The following IDE variants were observed in gnomAD, a reference collection of about 807,000 sequenced individuals.
IDE encodes the protein insulin degrading enzyme.
In IDE, 58 loss-of-function variants were observed where a neutral mutation model predicts 133.2. The ratio of observed to expected loss-of-function variants is 0.44; its 90% CI spans 0.35 to 0.54. The LOEUF (loss-of-function observed/expected upper bound fraction) is 0.54, where lower values mean the gene tolerates loss of function less well. Among genes scored for constraint, IDE ranks in the 20% least tolerant of loss-of-function variants. The pLI, the probability that IDE is intolerant of heterozygous loss-of-function variation, is 0.00. For missense variants in IDE, 981 were observed against 1,234.0 expected (o/e 0.79, Z 3.07); for synonymous variants, 396 against 421.3 (o/e 0.94, Z 0.73).
intron 1 of IDE, among the ~76,000 whole-genome samples, chr10:92,561,070 T>C (rs889984520): frequency 9.2e-5 from 14 of 151,840 alleles, no homozygotes; most frequent in African/African-American, 2.9e-4. Context: ...TTGGCCAACA[T>C]GGTGAAACCC....
At chr10:92,455,844 G>T (rs1227945386) in intron 23 of IDE, among the ~76,000 whole-genome samples, 1 of 152,154 alleles carries the variant, frequency 6.6e-6, no homozygotes, top group African/African-American at 2.4e-5. Context: ...ACCCAGTGAT[G>T]GCTCATGATA....
chr10:92,492,333 C>CA lies in IDE; in HGVS notation c.1431-1739dup, dbSNP rs1847405800. Among the ~76,000 whole-genome samples, 4 of 151,808 alleles carry CA rather than the reference C, an allele frequency of 2.6e-5. No individual in the cohort carries two copies. In the South Asian group the frequency reaches 8.3e-4, roughly 32 times the overall value. On this transcript the variant is annotated intron_variant, in intron 11 of 24. Coordinates refer to ENST00000265986, the MANE Select transcript of IDE (RefSeq NM_004969.4). ...AAAGTGATGTCAAAAGATAAGTGAA[C>CA]AAAAAATGACAAGACTAGAGGAGCA...
intron 1 of IDE, 21 bp downstream of exon 1, chr10:92,573,901 C>T: frequency 7.0e-7 from 1 of 1,437,868 alleles, no homozygotes; most frequent in Non-Finnish European, 9.1e-7. Flanking sequence ...CCCGAGGGCC[C>T]GGGCGCTCCA....
At chr10:92,482,540 C>G (rs1846676623) in intron 14 of IDE, among the ~76,000 whole-genome samples, 1 of 152,158 alleles carries the variant, frequency 6.6e-6, no homozygotes, top group Admixed American at 6.5e-5. Flanking sequence ...CTAGTACCTC[C>G]TCTTCTAGAC....
intron 1 of IDE, among the ~76,000 whole-genome samples, chr10:92,561,964 G>A (rs894505239): frequency 2.0e-5 from 3 of 152,022 alleles, no homozygotes; most frequent in East Asian, 3.9e-4. Flanking sequence ...TGTATAGAAC[G>A]GATCACAAAT....
At chr10:92,507,333 T>C (rs1325657922) in intron 9 of IDE, among the ~76,000 whole-genome samples, 1 of 152,134 alleles carries the variant, frequency 6.6e-6, no homozygotes, top group Non-Finnish European at 1.5e-5. Flanking sequence ...AGCATTTGAT[T>C]TCTTCCCTTT....
Position 92,481,727 on chromosome 10 carries a change from G to A in IDE, c.1739+1528C>T, listed in dbSNP as rs564560067. ...ATTAAAATGTACAAGAAACAGAACA[G>A]TGGTTACCTCTAGGAAGACAGACCA... is the stretch of plus-strand genomic sequence containing the variant. On this transcript the variant is annotated intron_variant, in intron 14 of 24. Coordinates refer to ENST00000265986, the MANE Select transcript of IDE (RefSeq NM_004969.4). Among the ~76,000 whole-genome samples the A allele has an allele frequency of 6.6e-5, 10 of 152,284 alleles. No homozygotes were observed. The East Asian group carries it at 1.9e-3, about 29-fold the overall frequency.
chr10:92,479,562 T>A (rs1846480572), intron 14 of IDE, 141 bp from the exon 15 acceptor site: 1 of 653,624 alleles, frequency 1.5e-6, no homozygotes, highest in Non-Finnish European at 2.6e-6. Context: ...CTATTTCTTA[T>A]GAGGAAAAAA....
At chr10:92,483,193 A>C in intron 14 of IDE, 62 bp downstream of exon 14, 1 of 806,218 alleles carries the variant, frequency 1.2e-6, no homozygotes, top group East Asian at 2.5e-5. Context: ...AAGAACAGAC[A>C]ACTCCTGGAA....
intron 1 of IDE, among the ~76,000 whole-genome samples, chr10:92,539,904 A>T (rs1435882806): frequency 6.6e-6 from 1 of 152,112 alleles, no homozygotes; most frequent in Non-Finnish European, 1.5e-5. Context: ...GGTGACAGGA[A>T]ATGGTCTATT....
At chr10:92,481,987 A>G (rs1448730541) in intron 14 of IDE, among the ~76,000 whole-genome samples, 6 of 152,254 alleles carry the variant, frequency 3.9e-5, no homozygotes, top group African/African-American at 1.4e-4. Context: ...ATAAGCCACA[A>G]CCTGACAGCC....
intron 16 of IDE, among the ~76,000 whole-genome samples, chr10:92,475,507 T>C (rs973761737): frequency 1.3e-5 from 2 of 152,218 alleles, no homozygotes; most frequent in Non-Finnish European, 2.9e-5. Flanking sequence ...TGTGCTCTAA[T>C]GTGACAAGGT....
chr10:92,539,104 C>G (rs1842169872), intron 1 of IDE, among the ~76,000 whole-genome samples: 1 of 151,872 alleles, frequency 6.6e-6, no homozygotes, highest in Non-Finnish European at 1.5e-5. Flanking sequence ...CTGAAATCAC[C>G]TATAACTATT....
intron 4 of IDE, among the ~76,000 whole-genome samples, chr10:92,520,940 T>C (rs1341680624): frequency 3.9e-5 from 6 of 152,166 alleles, no homozygotes; most frequent in Non-Finnish European, 5.9e-5. Flanking sequence ...CTAAAATATA[T>C]GAAATGTTTT....
At chr10:92,571,202 T>TGG (rs1289030765) in intron 1 of IDE, among the ~76,000 whole-genome samples, 1 of 151,926 alleles carries the variant, frequency 6.6e-6, no homozygotes, top group Non-Finnish European at 1.5e-5. Context: ...TTAGTAGAGA[T>TGG]GGGGTTTCAC....
At chr10:92,561,079 C>T (rs1843258203) in intron 1 of IDE, among the ~76,000 whole-genome samples, 1 of 151,774 alleles carries the variant, frequency 6.6e-6, no homozygotes, top group East Asian at 2.0e-4. Flanking sequence ...ATGGTGAAAC[C>T]CTGTCTTTCT....
At chr10:92,551,186 A>C (rs1216670821) in intron 1 of IDE, among the ~76,000 whole-genome samples, 1 of 152,256 alleles carries the variant, frequency 6.6e-6, no homozygotes, top group Non-Finnish European at 1.5e-5. Flanking sequence ...TCAGTAAACA[A>C]AACGTAGTTT....
chr10:92,539,486 C>A (rs2135711590), intron 1 of IDE, among the ~76,000 whole-genome samples: 1 of 152,262 alleles, frequency 6.6e-6, no homozygotes, highest in East Asian at 1.9e-4. Context: ...TTATTTTCAG[C>A]CAGGCACGGT....
Position 92,530,655 on chromosome 10 carries a change from A to G in IDE, c.661+1093T>C, listed in dbSNP as rs556339954. Among the ~76,000 whole-genome samples, 5 of 152,290 alleles carry G rather than the reference A, an allele frequency of 3.3e-5. No individual in the cohort carries two copies. The East Asian group carries it at 9.6e-4, about 29-fold the overall frequency. On this transcript the variant is annotated intron_variant, in intron 4 of 24. Transcript: ENST00000265986. ...ATGTATACTGATGTTCTCCACAAAAATCACTTTTTAAAAAATTCAGCATTA... is the reference window on the plus strand; with the variant it reads ...ATGTATACTGATGTTCTCCACAAAAGTCACTTTTTAAAAAATTCAGCATTA...
Sources: allele counts gnomAD v4.1 joint callset (sites outside exome capture counted in the v4.1 genomes callset), GRCh38; gene constraint gnomAD v4.1.1; transcripts MANE v1.5; gene names NCBI Gene and HGNC (gene_info 2026-07-23, HGNC 2026-07-21).